Variants in AFG2A observed in about 807,000 individuals in gnomAD.
AFG2A encodes AAA ATPase AFG2A.
the AFG2A span, among the ~76,000 whole-genome samples, chr4:123,044,293 T>C: frequency 6.6e-6 from 1 of 152,178 alleles, no homozygotes; most frequent in East Asian, 1.9e-4. Context: ...TGTTAATCAT[T>C]TATCTTCTTC....
At chr4:123,049,963 C>A in the AFG2A span, among the ~76,000 whole-genome samples, 1 of 151,836 alleles carries the variant, frequency 6.6e-6, no homozygotes, top group Non-Finnish European at 1.5e-5. Flanking sequence ...TTAAACTTCC[C>A]TCTTAGTACT....
At chr4:123,189,563 T>G in the AFG2A span, among the ~76,000 whole-genome samples, 2 of 152,142 alleles carry the variant, frequency 1.3e-5, no homozygotes, top group African/African-American at 4.8e-5. Context: ...GGTAAAATGT[T>G]TCACTTTGCT....
At chr4:123,033,479 G>A in the AFG2A span, among the ~76,000 whole-genome samples, 3 of 152,130 alleles carry the variant, frequency 2.0e-5, no homozygotes, top group African/African-American at 7.2e-5. Context: ...CTGGGAACTG[G>A]TTTGAAAAAT....
chr4:123,269,064 C>T, the AFG2A span, among the ~76,000 whole-genome samples: 1 of 152,200 alleles, frequency 6.6e-6, no homozygotes. Context: ...CTTTTCACCT[C>T]TTTATTCCAA....
chr4:123,309,636 A>G, the AFG2A span, among the ~76,000 whole-genome samples: 11 of 152,334 alleles, frequency 7.2e-5, no homozygotes, highest in Admixed American at 7.2e-4. Flanking sequence ...AACAGAATAT[A>G]TACAGGTTGA....
the AFG2A span, among the ~76,000 whole-genome samples, chr4:123,108,591 T>G: frequency 6.6e-6 from 1 of 152,196 alleles, no homozygotes; most frequent in South Asian, 2.1e-4. Flanking sequence ...AGGTATGTTT[T>G]GTTATGAAAA....
the AFG2A span, among the ~76,000 whole-genome samples, chr4:123,177,824 G>A: frequency 6.6e-6 from 1 of 152,070 alleles, no homozygotes; most frequent in Non-Finnish European, 1.5e-5. Context: ...ACATTGAGCC[G>A]CATGGCCGCA....
the AFG2A span, among the ~76,000 whole-genome samples, chr4:123,085,532 CTTAG>C: frequency 3.9e-5 from 6 of 152,188 alleles, no homozygotes; most frequent in East Asian, 1.2e-3. Flanking sequence ...CTTTCTTTGG[CTTAG>C]TGTTAGCATT....
At chr4:122,982,446 T>G in the AFG2A span, among the ~76,000 whole-genome samples, 2 of 152,210 alleles carry the variant, frequency 1.3e-5, no homozygotes, top group Non-Finnish European at 2.9e-5. Flanking sequence ...CCAAGGATAT[T>G]GGCCTGTAAT....
chr4:122,934,751 C>A, the AFG2A span: 1 of 1,533,538 alleles, frequency 6.5e-7, no homozygotes, highest in Non-Finnish European at 8.7e-7. Flanking sequence ...ATGATGTCTT[C>A]AGTTTATTGC....
the AFG2A span, among the ~76,000 whole-genome samples, chr4:123,111,849 G>T: frequency 1.1e-4 from 16 of 151,958 alleles, no homozygotes; most frequent in African/African-American, 3.9e-4. Context: ...TCATTCTTCT[G>T]CCTCAGCCTT....
At chr4:122,943,018 G>T in the AFG2A span, among the ~76,000 whole-genome samples, 1 of 152,014 alleles carries the variant, frequency 6.6e-6, no homozygotes, top group East Asian at 1.9e-4. Flanking sequence ...TATAATTTCT[G>T]TTCTTTTACA....
At chr4:123,247,588 G>GTT in the AFG2A span, among the ~76,000 whole-genome samples, 1 of 151,694 alleles carries the variant, frequency 6.6e-6, no homozygotes, top group African/African-American at 2.4e-5. Context: ...TTTTATGTTT[G>GTT]TTTGTTTGTT....
At chr4:123,171,454 A>G in the AFG2A span, among the ~76,000 whole-genome samples, 1 of 152,154 alleles carries the variant, frequency 6.6e-6, no homozygotes, top group African/African-American at 2.4e-5. Context: ...ATAAGTACTA[A>G]AAAACATACA....
chr4:123,164,395 G>C, the AFG2A span, among the ~76,000 whole-genome samples: 18 of 152,036 alleles, frequency 1.2e-4, no homozygotes, highest in South Asian at 3.1e-3. Flanking sequence ...ACAGAGTCTC[G>C]CCCTGTCACC....
At chr4:123,200,674 AAAT>A in the AFG2A span, among the ~76,000 whole-genome samples, 1 of 152,206 alleles carries the variant, frequency 6.6e-6, no homozygotes, top group Non-Finnish European at 1.5e-5. Context: ...TTACTGTAAA[AAAT>A]AAAGTGCTTG....
the AFG2A span, among the ~76,000 whole-genome samples, chr4:123,105,085 C>T: frequency 1.3e-5 from 2 of 152,192 alleles, no homozygotes; most frequent in Admixed American, 6.5e-5. Flanking sequence ...TGCCTGGCTT[C>T]ACGCTTCAAA....
chr4:123,068,898 A>G, the AFG2A span, among the ~76,000 whole-genome samples: 163 of 152,314 alleles, frequency 1.1e-3, 1 homozygote, highest in South Asian at 7.5e-3. Context: ...TATCTCCTGC[A>G]TTAATGTTTA....
chr4:123,073,724 G>A, the AFG2A span, among the ~76,000 whole-genome samples: 32 of 152,064 alleles, frequency 2.1e-4, no homozygotes, highest in Non-Finnish European at 4.4e-4. Context: ...GATTTGTCAG[G>A]TCAACTAAAG....
Sources: gnomAD v4.1 joint callset for allele counts (sites outside exome capture counted in the v4.1 genomes callset) on GRCh38, gnomAD v4.1.1 for gene constraint, MANE v1.5 for transcripts, NCBI Gene and HGNC (gene_info 2026-07-23, HGNC 2026-07-21) for gene names.